The following TJP2 variants were observed in gnomAD, a reference collection of about 807,000 sequenced individuals.
TJP2 encodes the protein Friedreich ataxia region gene X104 (tight junction protein ZO-2).
A neutral mutation model predicts 133.1 loss-of-function variants in TJP2; 91 were observed. The ratio of observed to expected loss-of-function variants is 0.68; its 90% CI spans 0.58 to 0.81. TJP2 has a LOEUF of 0.81. Among genes scored for constraint, TJP2 ranks in the 40% least tolerant of loss-of-function variants. TJP2 has a pLI of 0.00. For missense variants in TJP2, 1,541 were observed against 1,565.6 expected (o/e 0.98, Z 0.26); for synonymous variants, 592 against 583.4 (o/e 1.01, Z -0.21).
At chr9:69,129,379 G>A (rs1822388288) in intron 1 of TJP2, among the ~76,000 whole-genome samples, 1 of 151,670 alleles carries the variant, frequency 6.6e-6, no homozygotes, top group African/African-American at 2.4e-5. Context: ...AGGCATGGTG[G>A]CGTGTGCTGT....
At chr9:69,229,524 G>C (rs1829609192) in intron 10 of TJP2, among the ~76,000 whole-genome samples, 1 of 152,216 alleles carries the variant, frequency 6.6e-6, no homozygotes, top group Admixed American at 6.5e-5. Flanking sequence ...ATTTGCGTTT[G>C]TCAGATAAAT....
intron 1 of TJP2, among the ~76,000 whole-genome samples, chr9:69,148,223 CCTTT>C (rs1313879952): frequency 6.8e-6 from 1 of 147,240 alleles, no homozygotes; most frequent in Non-Finnish European, 1.5e-5. Context: ...TGTGCCTGGC[CCTTT>C]CTTTTTTATA....
At chr9:69,188,116 T>C (rs1016848445) in intron 1 of TJP2, among the ~76,000 whole-genome samples, 1 of 152,214 alleles carries the variant, frequency 6.6e-6, no homozygotes, top group Non-Finnish European at 1.5e-5. Context: ...TCAGTTCCCA[T>C]GTGTTAAGTG....
intron 2 of TJP2, among the ~76,000 whole-genome samples, chr9:69,152,745 A>G (rs1823536354): frequency 6.8e-6 from 1 of 146,232 alleles, no homozygotes. Context: ...CAAGTGGGGG[A>G]AGTCCTCATT....
At chr9:69,206,036 CT>C (rs1398081178) in intron 1 of TJP2, among the ~76,000 whole-genome samples, 2 of 152,048 alleles carry the variant, frequency 1.3e-5, no homozygotes, top group African/African-American at 2.4e-5. Context: ...CCTTTCTCTT[CT>C]TTTGTCACAC....
rs371868876 is a variant in TJP2, at chr9:69,205,229, G to C, written c.61-7319G>C. The C allele has an allele frequency of 6.3e-5, 97 of 1,537,124 alleles. No homozygotes were observed. The highest frequency in any genetic ancestry group is 3.3e-4 in the Middle Eastern group (2 of 6,012). On this transcript the variant is annotated intron_variant, in intron 1 of 22. Transcript: ENST00000377245. Reference sequence around the variant, plus strand: ...GTTAAAAAGTTGAGGAGATGGAAAGGCCGTGTGAGTCCCTCTGCAAGCTCT... The same window carrying C: ...GTTAAAAAGTTGAGGAGATGGAAAGCCCGTGTGAGTCCCTCTGCAAGCTCT...
At chr9:69,164,794 G>A (rs1207206780) in intron 2 of TJP2, among the ~76,000 whole-genome samples, 1 of 152,178 alleles carries the variant, frequency 6.6e-6, no homozygotes. Flanking sequence ...AAGCCGGGAA[G>A]TGAATGGGCT....
chr9:69,174,078 C>G (rs1183227345), upstream of TJP2: 2 of 1,118,064 alleles, frequency 1.8e-6, no homozygotes, highest in Non-Finnish European at 2.2e-6. Context: ...GCAGGAGCCT[C>G]GAAGGCGCGG....
intron 17 of TJP2, among the ~76,000 whole-genome samples, chr9:69,242,344 C>T (rs893465888): frequency 1.3e-5 from 2 of 152,162 alleles, no homozygotes; most frequent in South Asian, 2.1e-4. Flanking sequence ...CATTTCCCAG[C>T]GTTGTGTGCC....
At chr9:69,238,155 C>T (rs1379798663) in intron 15 of TJP2, among the ~76,000 whole-genome samples, 182 bp downstream of exon 15, 5 of 152,164 alleles carry the variant, frequency 3.3e-5, no homozygotes, top group Non-Finnish European at 7.4e-5. Context: ...CACACACATA[C>T]ACATACTCTT....
At chr9:69,225,264 AT>A in intron 5 of TJP2, 39 bp from the exon 6 acceptor site, 1 of 1,369,084 alleles carries the variant, frequency 7.3e-7, no homozygotes, top group Non-Finnish European at 1.0e-6. Context: ...TTTTGAACAA[AT>A]TGATAACATA....
chr9:69,198,253 T>A (rs1221269482), intron 1 of TJP2, among the ~76,000 whole-genome samples: 1 of 151,638 alleles, frequency 6.6e-6, no homozygotes, highest in Admixed American at 6.6e-5. Context: ...GCGATTCTCT[T>A]GCCTCAGCCT....
At chr9:69,127,077 T>C (rs1451342868) in intron 1 of TJP2, among the ~76,000 whole-genome samples, 1 of 71,380 alleles carries the variant, frequency 1.4e-5, no homozygotes, top group Admixed American at 2.1e-4. Flanking sequence ...TCTCTCTCTT[T>C]TTTTTTTTTT....
intron 2 of TJP2, among the ~76,000 whole-genome samples, chr9:69,159,896 T>C (rs1356585278): frequency 6.8e-5 from 2 of 29,446 alleles, no homozygotes; most frequent in African/African-American, 2.0e-4. Flanking sequence ...AATATATACA[T>C]ATATATATAT....
intron 19 of TJP2, chr9:69,248,773 A>T: frequency 1.0e-6 from 1 of 994,584 alleles, no homozygotes; most frequent in Non-Finnish European, 1.2e-6. Context: ...AGCTTATGGG[A>T]TCCTTGAAAT....
intron 2 of TJP2, among the ~76,000 whole-genome samples, chr9:69,168,146 T>C (rs1447139146): frequency 6.6e-6 from 1 of 152,206 alleles, no homozygotes; most frequent in African/African-American, 2.4e-5. Flanking sequence ...AATCTTCAGT[T>C]GCCCAAAAGA....
intron 1 of TJP2, among the ~76,000 whole-genome samples, chr9:69,147,790 T>G (rs539269004): frequency 6.6e-6 from 1 of 151,946 alleles, no homozygotes; most frequent in Non-Finnish European, 1.5e-5. Flanking sequence ...TGAATGTGCC[T>G]TTTTTTTGAG....
In TJP2 at chr9:69,230,268, T is replaced by G. The variant is rs1829672495; in HGVS notation, c.1671+36T>G. 2.5e-6 allele frequency: 4 copies of G among 1,613,164 alleles called. No homozygotes were observed. The South Asian group carries it at 4.4e-5, about 18-fold the overall frequency. ...CCCAGCTCTGTTTCTAGAAGTTACTTGTAAGGAGTGCACTTTTCTGGGTGT... is the reference window on the plus strand; with the variant it reads ...CCCAGCTCTGTTTCTAGAAGTTACTGGTAAGGAGTGCACTTTTCTGGGTGT... On this transcript the variant is annotated intron_variant, in intron 11 of 22. Coordinates refer to ENST00000377245, the MANE Select transcript of TJP2 (RefSeq NM_004817.4).
chr9:69,156,262 G>A (rs1187720057), intron 2 of TJP2, among the ~76,000 whole-genome samples: 1 of 152,158 alleles, frequency 6.6e-6, no homozygotes, highest in East Asian at 1.9e-4. Flanking sequence ...TTCTTGGGAA[G>A]CTGAGGCACC....
Sources: gnomAD v4.1 joint callset for allele counts (sites outside exome capture counted in the v4.1 genomes callset) on GRCh38, gnomAD v4.1.1 for gene constraint, MANE v1.5 for transcripts, NCBI Gene and HGNC (gene_info 2026-07-23, HGNC 2026-07-21) for gene names.